The following CBFB variants were observed in gnomAD, a reference collection of about 807,000 sequenced individuals.
CBFB encodes the protein CBF-beta.
CBFB carries 9 observed loss-of-function variants against 30.4 expected under a neutral mutation model. The ratio of observed to expected loss-of-function variants is 0.30; its 90% confidence interval spans 0.18 to 0.52. The LOEUF (loss-of-function observed/expected upper bound fraction) is 0.52. Ranked by LOEUF, CBFB falls within the 20% of genes least tolerant of loss-of-function variation. The pLI is 0.97. For synonymous variants in CBFB, 94 were observed against 84.0 expected, an observed-to-expected ratio of 1.12 and a Z score of -0.65; for missense variants, 170 against 244.0, an observed-to-expected ratio of 0.70 and a Z score of 2.02.
At chr16:67,075,732 T>A (rs975261495) in intron 4 of CBFB, among the ~76,000 whole-genome samples, 5 of 152,128 alleles carry the variant, frequency 3.3e-5, no homozygotes, top group Non-Finnish European at 5.9e-5. Flanking sequence ...ACAGTGAAAT[T>A]TATAAAGTGC....
chr16:67,085,838 C>T (rs982211484), intron 5 of CBFB, among the ~76,000 whole-genome samples: 5 of 151,474 alleles, frequency 3.3e-5, no homozygotes, highest in African/African-American at 9.7e-5. Context: ...CCACCATGCC[C>T]GGCTAATTTT....
chr16:67,074,380 GTAAAGCT>G (rs1267549986), intron 4 of CBFB, among the ~76,000 whole-genome samples: 1 of 143,342 alleles, frequency 7.0e-6, no homozygotes, highest in Non-Finnish European at 1.5e-5. Flanking sequence ...ATGTAAAACA[GTAAAGCT>G]TTTTTTTTTT....
chr16:67,082,641 CA>C (rs1430626325), intron 5 of CBFB, among the ~76,000 whole-genome samples: 3 of 151,944 alleles, frequency 2.0e-5, no homozygotes, highest in Non-Finnish European at 4.4e-5. Context: ...CTTATGTTAA[CA>C]GATTGCATAT....
chr16:67,067,177 C>T (rs1390444645), intron 4 of CBFB, among the ~76,000 whole-genome samples: 1 of 148,018 alleles, frequency 6.8e-6, no homozygotes, highest in Non-Finnish European at 1.5e-5. Context: ...AGTCCTCTCC[C>T]AAGAAAGCAA....
At chr16:67,081,941 C>T (rs898180140) in intron 4 of CBFB, 6 of 177,134 alleles carry the variant, frequency 3.4e-5, no homozygotes, top group Admixed American at 6.1e-5. Flanking sequence ...GCCTCAGCCT[C>T]CCAAGTAGCT....
intron 3 of CBFB, among the ~76,000 whole-genome samples, chr16:67,064,328 T>C (rs969685545): frequency 3.9e-5 from 6 of 152,162 alleles, no homozygotes; most frequent in Non-Finnish European, 7.4e-5. Context: ...TGTCTCAGCC[T>C]CCCAAGTACC....
At chr16:67,077,632 A>G (rs1328021575) in intron 4 of CBFB, among the ~76,000 whole-genome samples, 1 of 152,206 alleles carries the variant, frequency 6.6e-6, no homozygotes, top group African/African-American at 2.4e-5. Context: ...ATTTTGTGCA[A>G]ATTAGATGTT....
intron 3 of CBFB, among the ~76,000 whole-genome samples, chr16:67,046,038 C>T (rs930143414): frequency 3.3e-5 from 5 of 152,024 alleles, no homozygotes; most frequent in Non-Finnish European, 1.5e-5. Context: ...TCAGGTGATC[C>T]GCCTGTCTTG....
At chr16:67,095,022 C>T (rs10048119) in intron 5 of CBFB, among the ~76,000 whole-genome samples, 5,495 of 151,352 alleles carry the variant, frequency 0.036, 333 homozygotes, top group African/African-American at 0.12. Context: ...GTTCAAGATC[C>T]GGCTGACCAA....
chr16:67,084,416 A>G (rs1425316840), intron 5 of CBFB, among the ~76,000 whole-genome samples: 2 of 152,152 alleles, frequency 1.3e-5, no homozygotes, highest in Non-Finnish European at 2.9e-5. Context: ...GTTAAAAATC[A>G]GTATTAGGTA....
chr16:67,052,528 A>T (rs987002584), intron 3 of CBFB, among the ~76,000 whole-genome samples: 1 of 151,756 alleles, frequency 6.6e-6, no homozygotes, highest in Non-Finnish European at 1.5e-5. Context: ...GTGAGCTGTG[A>T]TGGTGCCACT....
At chr16:67,029,560 G>A in intron 1 of CBFB, 75 bp downstream of exon 1, 1 of 1,459,552 alleles carries the variant, frequency 6.9e-7, no homozygotes, top group South Asian at 1.2e-5. Flanking sequence ...AGTTTGGGCG[G>A]CACGGTCCCC....
intron 3 of CBFB, among the ~76,000 whole-genome samples, chr16:67,037,517 C>CT (rs907832672): frequency 6.6e-6 from 1 of 151,038 alleles, no homozygotes; most frequent in African/African-American, 2.4e-5. Context: ...CTTGGAAATA[C>CT]TTTTTTTTTG....
chr16:67,098,153 G>A (rs139749220), intron 5 of CBFB, among the ~76,000 whole-genome samples: 2 of 151,030 alleles, frequency 1.3e-5, no homozygotes, highest in East Asian at 3.9e-4. Flanking sequence ...TTTGTTTTTT[G>A]AGATGGAATC....
intron 5 of CBFB, among the ~76,000 whole-genome samples, chr16:67,085,585 C>T (rs958107043): frequency 2.0e-5 from 3 of 151,622 alleles, no homozygotes; most frequent in Non-Finnish European, 4.4e-5. Flanking sequence ...GCCTCAACCT[C>T]GTGGGCTCAA....
intron 3 of CBFB, among the ~76,000 whole-genome samples, chr16:67,055,577 C>T (rs1255618058): frequency 1.3e-5 from 2 of 151,798 alleles, no homozygotes; most frequent in African/African-American, 2.4e-5. Context: ...ATGATGGTCT[C>T]GATCTCCTGA....
chr16:67,054,537 T>C (rs954920951), intron 3 of CBFB, among the ~76,000 whole-genome samples: 6 of 152,174 alleles, frequency 3.9e-5, no homozygotes, highest in African/African-American at 1.2e-4. Flanking sequence ...TAAGGAAATT[T>C]TCTTATATTA....
At chr16:67,047,789 T>C (rs8056803) in intron 3 of CBFB, among the ~76,000 whole-genome samples, 31,727 of 151,998 alleles carry the variant, frequency 0.21, 6,470 homozygotes, top group African/African-American at 0.54. Flanking sequence ...TTTTACTGGG[T>C]CAGGTGCCGT....
chr16:67,073,453 G>A (rs1321547665), intron 4 of CBFB, among the ~76,000 whole-genome samples: 1 of 152,116 alleles, frequency 6.6e-6, no homozygotes, highest in Non-Finnish European at 1.5e-5. Context: ...AAAAGAAACA[G>A]AAGACATGTG....
Sources: allele counts gnomAD v4.1 joint callset (sites outside exome capture counted in the v4.1 genomes callset), GRCh38; gene constraint gnomAD v4.1.1; transcripts MANE v1.5; gene names NCBI Gene and HGNC (gene_info 2026-07-23, HGNC 2026-07-21).